Variants in FIP1L1 observed in about 807,000 individuals in gnomAD.
FIP1L1 encodes the protein pre-mRNA 3'-end-processing factor FIP1.
A neutral mutation model predicts 84.6 loss-of-function variants in FIP1L1; 21 were observed. The ratio of observed to expected loss-of-function variants is 0.25; its 90% confidence interval spans 0.18 to 0.36. The LOEUF (loss-of-function observed/expected upper bound fraction) is 0.36. Ranked by LOEUF, FIP1L1 falls within the 10% of genes least tolerant of loss-of-function variation. FIP1L1 has a pLI of 1.00. For synonymous variants in FIP1L1, 263 were observed against 242.3 expected (o/e 1.09, Z -0.80); for missense variants, 526 against 751.1 (o/e 0.70, Z 3.50).
intron 9 of FIP1L1, among the ~76,000 whole-genome samples, chr4:53,392,759 A>C (rs1389929514): frequency 6.6e-6 from 1 of 152,222 alleles, no homozygotes; most frequent in African/African-American, 2.4e-5. Context: ...CATTGAAGGT[A>C]GCCGTTATGA....
At chr4:53,380,552 TGCATC>T (rs1737285132) in intron 3 of FIP1L1, among the ~76,000 whole-genome samples, 1 of 152,240 alleles carries the variant, frequency 6.6e-6, no homozygotes, top group South Asian at 2.1e-4. Context: ...ATATGTGAAT[TGCATC>T]TCAAAGCTGT....
At chr4:53,415,998 A>G (rs1759332985) in intron 11 of FIP1L1, among the ~76,000 whole-genome samples, 1 of 152,212 alleles carries the variant, frequency 6.6e-6, no homozygotes, top group South Asian at 2.1e-4. Context: ...ATATTGATTT[A>G]TCTTTGTTTT....
intron 10 of FIP1L1, among the ~76,000 whole-genome samples, chr4:53,405,219 C>G (rs1005946536): frequency 1.3e-5 from 2 of 152,106 alleles, no homozygotes; most frequent in African/African-American, 4.8e-5. Flanking sequence ...TTTCAGCTCT[C>G]TACATATGGC....
chr4:53,450,255 C>T (rs970330677), intron 15 of FIP1L1, among the ~76,000 whole-genome samples: 2 of 152,010 alleles, frequency 1.3e-5, no homozygotes, highest in Non-Finnish European at 2.9e-5. Context: ...TGTTTAGTTC[C>T]TAATGATTTA....
rs755131353 is a variant in FIP1L1, at chr4:53,428,126, C to G, written c.1117C>G (p.Pro373Ala). 2 of 1,609,404 alleles carry G rather than the reference C, an allele frequency of 1.2e-6. No individual in the cohort carries two copies. The highest frequency in any genetic ancestry group is 1.7e-6 in the Non-Finnish European group (2 of 1,176,656). ...TCCTCCCACTCACCTTCCACCTCCT[C>G]CATTTCTTCCACCTCCTCCGACTGT... Reference protein sequence around the residue: ...GAPPTHLPPPPFLPPPPTVST... With the variant: ...GAPPTHLPPPAFLPPPPTVST... Residue 373 changes from proline to alanine, a missense_variant, in exon 13 of 18, where the codon CCA becomes GCA. Physicochemically the swap from Pro to Ala is conservative, Grantham distance 27 (BLOSUM62 -1). Coordinates refer to ENST00000337488, the MANE Select transcript of FIP1L1 (RefSeq NM_030917.4).
intron 11 of FIP1L1, among the ~76,000 whole-genome samples, chr4:53,418,097 T>G (rs1760640072): frequency 6.6e-6 from 1 of 152,106 alleles, no homozygotes; most frequent in African/African-American, 2.4e-5. Context: ...GAGACCAGCA[T>G]AGGCAACATA....
At chr4:53,432,357 C>T (rs189821215) in intron 13 of FIP1L1, among the ~76,000 whole-genome samples, 39 of 132,962 alleles carry the variant, frequency 2.9e-4, no homozygotes, top group African/African-American at 1.1e-3. Flanking sequence ...GAGATCACAC[C>T]ATTGCACTCC....
At chr4:53,379,847 G>A (rs1482948871) in intron 3 of FIP1L1, among the ~76,000 whole-genome samples, 2 of 152,206 alleles carry the variant, frequency 1.3e-5, no homozygotes, top group Non-Finnish European at 2.9e-5. Flanking sequence ...GCCATGTAAA[G>A]AAGTACATGG....
chr4:53,383,858 C>T lies in FIP1L1; in HGVS notation c.314C>T (p.Thr105Met). ...CATGTCACTATAGGAGACATTAAAA[C>T]GGGAGCACCACAGTATGGGTAAGTT... ...DVHVTIGDIK[T>M]GAPQYGSYGT... is the part of the protein sequence containing the mutation. Residue 105 changes from threonine (T) to methionine (M), a missense_variant, in exon 5 of 18, where the codon ACG (threonine) becomes ATG (methionine). Thr to Met is a moderately conservative substitution (Grantham distance 81, BLOSUM62 -1). This residue lies in a region of FIP1L1 where 169 missense variants were observed against 206.9 expected (regional missense o/e 0.82). Transcript: ENST00000337488. The T allele has an allele frequency of 6.2e-7, 1 of 1,612,846 alleles. No homozygotes were observed. The highest frequency in any genetic ancestry group is 8.5e-7 in the Non-Finnish European group (1 of 1,179,408).
intron 1 of FIP1L1, 85 bp downstream of exon 1, chr4:53,378,008 C>T: frequency 8.2e-7 from 1 of 1,220,866 alleles, no homozygotes. Context: ...TGGCCTCTCG[C>T]GCCGCCGCTT....
intron 15 of FIP1L1, among the ~76,000 whole-genome samples, chr4:53,446,565 G>A (rs1268539810): frequency 1.3e-5 from 2 of 151,984 alleles, no homozygotes; most frequent in Non-Finnish European, 2.9e-5. Flanking sequence ...AACCTACATC[G>A]TTTTTTTCAT....
chr4:53,434,109 A>G (rs1478387007), intron 13 of FIP1L1, among the ~76,000 whole-genome samples: 3 of 152,174 alleles, frequency 2.0e-5, no homozygotes, highest in African/African-American at 7.2e-5. Context: ...TAAACTCTTT[A>G]AAATTACTGC....
chr4:53,453,680 C>T (rs1205084657), intron 16 of FIP1L1, among the ~76,000 whole-genome samples: 2 of 152,110 alleles, frequency 1.3e-5, no homozygotes, highest in Non-Finnish European at 2.9e-5. Flanking sequence ...TGTTCCCTAA[C>T]GTAGGAAGTC....
At chr4:53,434,401 G>A (rs1213589672) in intron 13 of FIP1L1, among the ~76,000 whole-genome samples, 1 of 151,784 alleles carries the variant, frequency 6.6e-6, no homozygotes. Flanking sequence ...GTGATATCAC[G>A]AGTTATGTGG....
chr4:53,446,383 A>C (rs1311023042), intron 15 of FIP1L1, among the ~76,000 whole-genome samples: 2 of 152,140 alleles, frequency 1.3e-5, no homozygotes, highest in African/African-American at 2.4e-5. Flanking sequence ...TAAACCATCA[A>C]ATGTTACCTG....
chr4:53,389,489 C>G (rs1245323148), intron 5 of FIP1L1, among the ~76,000 whole-genome samples: 1 of 151,482 alleles, frequency 6.6e-6, no homozygotes, highest in African/African-American at 2.4e-5. Flanking sequence ...TTTTATTGAG[C>G]AAGTGACTTT....
At chr4:53,402,819 T>A (rs1437661951) in intron 10 of FIP1L1, among the ~76,000 whole-genome samples, 3 of 152,046 alleles carry the variant, frequency 2.0e-5, no homozygotes, top group African/African-American at 7.3e-5. Flanking sequence ...GCCAAAGGGA[T>A]GAGATGTAAT....
chr4:53,460,790 C>G lies in FIP1L1; in HGVS notation c.*1341C>G. On this transcript the variant is annotated 3_prime_UTR_variant, in exon 18 of 18. Coordinates refer to ENST00000337488, the MANE Select transcript of FIP1L1 (RefSeq NM_030917.4). ...CTTTCATTAGATGATCATACTTTTCCTGACATTTTTACAATGTATTCTTTC... is the reference window on the plus strand; with the variant it reads ...CTTTCATTAGATGATCATACTTTTCGTGACATTTTTACAATGTATTCTTTC... 1 of 1,061,070 alleles carries G rather than the reference C, an allele frequency of 9.4e-7. No individual in the cohort carries two copies. Among genetic ancestry groups the G allele is most frequent in the Non-Finnish European group, 1.4e-6 (1 of 738,854 alleles). 65.7% of individuals were successfully genotyped at this position (1,061,070 alleles called of 1,614,324 possible). A position where few individuals can be genotyped will look rare whatever the true frequency, so the allele number is the denominator to read the frequency against.
intron 10 of FIP1L1, among the ~76,000 whole-genome samples, chr4:53,410,827 A>C (rs1445814709): frequency 6.6e-6 from 1 of 152,178 alleles, no homozygotes; most frequent in East Asian, 1.9e-4. Flanking sequence ...GTTTAATTAT[A>C]AATTAAATTT....
Sources: gnomAD v4.1 joint callset for allele counts (sites outside exome capture counted in the v4.1 genomes callset) on GRCh38, gnomAD v4.1.1 for gene constraint, gnomAD v4.1.1 regional missense constraint, MANE v1.5 for transcripts, NCBI Gene and HGNC (gene_info 2026-07-23, HGNC 2026-07-21) for gene names.